The following VPS13D variants were observed in gnomAD, a reference collection of about 807,000 sequenced individuals.
The protein encoded by VPS13D is intermembrane lipid transfer protein VPS13D.
VPS13D carries 187 observed loss-of-function variants against 461.9 expected under a neutral mutation model. That is an observed-to-expected ratio of 0.40 (90% CI 0.36 to 0.46). VPS13D has a LOEUF of 0.46. Ranked by LOEUF, VPS13D falls within the 20% of genes least tolerant of loss-of-function variation. The pLI, the probability that VPS13D is intolerant of heterozygous loss-of-function variation, is 0.60. For synonymous variants in VPS13D, 1,951 were observed against 1,986.3 expected, an observed-to-expected ratio of 0.98 and a Z score of 0.47; for missense variants, 4,711 against 5,364.9, an observed-to-expected ratio of 0.88 and a Z score of 3.81.
chr1:12,458,131 A>G (rs768604053), intron 66 of VPS13D, among the ~76,000 whole-genome samples: 44 of 152,308 alleles, frequency 2.9e-4, no homozygotes, highest in Non-Finnish European at 5.6e-4. Context: ...TAATATGTAC[A>G]GCCTCTCCAG....
At position 12,345,445 on chromosome 1, in the gene VPS13D, C is replaced by T. The variant is rs1474494804; in HGVS notation, c.8957C>T (p.Ser2986Phe). Residue 2986 changes from serine (S) to phenylalanine (F), a missense_variant, in exon 43 of 70, where the codon TCT becomes TTT. Physicochemically the swap from Ser to Phe is radical, Grantham distance 155. Around this residue, in one of 3 missense-constraint regions of VPS13D, gnomAD observed 4,411 missense variants for 4,937.8 expected, o/e 0.89. Coordinates refer to ENST00000620676, the MANE Select transcript of VPS13D (RefSeq NM_015378.4). ...VNGWEQVSPV[S>F]VDKVGTFFRY... ...GGCTGGGAGCAAGTGAGCCCAGTGT[C>T]TGTGGACAAAGTCGGGACCTTTTTT... 5 of 1,613,852 alleles carry T rather than the reference C, an allele frequency of 3.1e-6. No individual in the cohort carries two copies. In the Admixed American group the frequency reaches 6.7e-5, roughly 22 times the overall value.
At chr1:12,441,952 T>C (rs1645136993) in intron 65 of VPS13D, among the ~76,000 whole-genome samples, 1 of 152,244 alleles carries the variant, frequency 6.6e-6, no homozygotes, top group Non-Finnish European at 1.5e-5. Flanking sequence ...CATTTGCCTT[T>C]TCCTATCTTT....
At chr1:12,449,858 C>T (rs1185033026) in intron 65 of VPS13D, among the ~76,000 whole-genome samples, 4 of 152,212 alleles carry the variant, frequency 2.6e-5, no homozygotes, top group Admixed American at 1.3e-4. Context: ...GGCTCGGTGG[C>T]TTATGCCTGT....
intron 67 of VPS13D, among the ~76,000 whole-genome samples, chr1:12,479,485 C>A (rs528076904): frequency 6.1e-4 from 93 of 152,340 alleles, no homozygotes; most frequent in African/African-American, 2.1e-3. Context: ...TGCATGGTAT[C>A]GCTGTCATTA....
At chr1:12,482,865 C>T (rs1228258766) in intron 67 of VPS13D, among the ~76,000 whole-genome samples, 3 of 150,020 alleles carry the variant, frequency 2.0e-5, no homozygotes. Flanking sequence ...CTTTTTCACT[C>T]CACAATGGTG....
intron 68 of VPS13D, among the ~76,000 whole-genome samples, chr1:12,500,943 A>G (rs1291958914): frequency 6.6e-6 from 1 of 151,794 alleles, no homozygotes; most frequent in Non-Finnish European, 1.5e-5. Flanking sequence ...ATCCCCAGCT[A>G]CTTGGGAAGC....
At chr1:12,290,275 G>A (rs1642088191) in intron 22 of VPS13D, among the ~76,000 whole-genome samples, 2 of 152,132 alleles carry the variant, frequency 1.3e-5, no homozygotes, top group East Asian at 1.9e-4. Flanking sequence ...CATGCTTAAT[G>A]TTGCTTGAAT....
At chr1:12,506,678 T>C (rs1646112464) in intron 68 of VPS13D, among the ~76,000 whole-genome samples, 175 bp from the exon 69 acceptor site, 1 of 152,260 alleles carries the variant, frequency 6.6e-6, no homozygotes, top group South Asian at 2.1e-4. Flanking sequence ...CCAAAAATGC[T>C]CACAGAAAAA....
chr1:12,343,999 G>A (rs1238175470), intron 42 of VPS13D, among the ~76,000 whole-genome samples: 1 of 152,188 alleles, frequency 6.6e-6, no homozygotes, highest in African/African-American at 2.4e-5. Context: ...GAACTGATCT[G>A]GGGAGACTGC....
At chr1:12,298,576 A>T (rs1251648150) in intron 24 of VPS13D, among the ~76,000 whole-genome samples, 1 of 151,102 alleles carries the variant, frequency 6.6e-6, no homozygotes, top group Non-Finnish European at 1.5e-5. Flanking sequence ...CAGGAGGTGG[A>T]GTTTGTAGTG....
At chr1:12,261,242 A>G (rs1334778253) in intron 12 of VPS13D, 93 bp downstream of exon 12, 2 of 1,445,640 alleles carry the variant, frequency 1.4e-6, no homozygotes, top group Non-Finnish European at 1.9e-6. Flanking sequence ...ACAAAAGTAG[A>G]TATTTGGAGA....
chr1:12,465,896 G>A (rs1645475920), intron 67 of VPS13D, among the ~76,000 whole-genome samples: 1 of 152,112 alleles, frequency 6.6e-6, no homozygotes, highest in Admixed American at 6.5e-5. Flanking sequence ...CAGCACTTTG[G>A]GAGGCCGAGG....
chr1:12,236,926 T>C (rs1363499482), intron 2 of VPS13D, among the ~76,000 whole-genome samples: 1 of 152,136 alleles, frequency 6.6e-6, no homozygotes, highest in East Asian at 1.9e-4. Context: ...AAGAAATTAA[T>C]GTGGGTCAGA....
chr1:12,234,810 T>C (rs900470047), intron 2 of VPS13D, among the ~76,000 whole-genome samples: 3 of 152,224 alleles, frequency 2.0e-5, no homozygotes, highest in Non-Finnish European at 2.9e-5. Context: ...AAGGATCAAC[T>C]GGAATAACAT....
intron 64 of VPS13D, 90 bp downstream of exon 64, chr1:12,415,311 T>C: frequency 3.3e-6 from 5 of 1,533,646 alleles, no homozygotes; most frequent in Admixed American, 1.7e-5. Context: ...GGCATTACTA[T>C]TGAGAACCCA....
intron 43 of VPS13D, 130 bp from the exon 44 acceptor site, chr1:12,346,475 A>G (rs1001550332): frequency 1.2e-6 from 1 of 821,024 alleles, no homozygotes; most frequent in South Asian, 1.8e-5. Context: ...TTTTATCTTC[A>G]TAGTAGACTA....
chr1:12,289,076 A>G (rs1642053269), intron 22 of VPS13D, among the ~76,000 whole-genome samples: 1 of 152,126 alleles, frequency 6.6e-6, no homozygotes, highest in African/African-American at 2.4e-5. Context: ...TCCTGACCTC[A>G]AGTCATCCTC....
chr1:12,425,183 T>G (rs2100274091), intron 65 of VPS13D, among the ~76,000 whole-genome samples: 1 of 152,322 alleles, frequency 6.6e-6, no homozygotes, highest in South Asian at 2.1e-4. Context: ...TCTAAAAGTC[T>G]GTCTCCATCT....
chr1:12,484,911 G>A (rs948493982), intron 67 of VPS13D, among the ~76,000 whole-genome samples: 8 of 151,684 alleles, frequency 5.3e-5, no homozygotes, highest in Admixed American at 1.3e-4. Context: ...TTGCCAGTTC[G>A]TCTCTTATGT....
Sources: allele counts gnomAD v4.1 joint callset (sites outside exome capture counted in the v4.1 genomes callset), GRCh38; gene constraint gnomAD v4.1.1; regional missense constraint gnomAD v4.1.1; transcripts MANE v1.5; gene names NCBI Gene and HGNC (gene_info 2026-07-23, HGNC 2026-07-21).